The following INSL6 variants were observed in gnomAD, a reference collection of about 807,000 sequenced individuals.
INSL6 encodes insulin like 6, also known as insulin-like peptide INSL6.
Under a neutral mutation model 9.4 loss-of-function variants are expected in INSL6, and 16 were observed. The observed-to-expected ratio is 1.70, with a 90% CI of 1.15 to 2.59. The LOEUF (loss-of-function observed/expected upper bound fraction) is 2.59, where lower values mean the gene tolerates loss of function less well. Ranked by LOEUF, INSL6 falls within the 30% of genes most tolerant of loss-of-function variation. The probability of loss-of-function intolerance (pLI) is 0.00; values close to 1 mark genes in which losing one functional copy is unlikely to be tolerated. For missense variants in INSL6, 391 were observed against 257.3 expected, an observed-to-expected ratio of 1.52 and a Z score of -3.56; for synonymous variants, 154 against 96.9, an observed-to-expected ratio of 1.59 and a Z score of -3.46.
At chr9:5,113,665 G>T in the INSL6 span, 1 of 164,854 alleles carries the variant, frequency 6.1e-6, no homozygotes, top group South Asian at 1.7e-4. Flanking sequence ...TGAAGTCAGT[G>T]ACTGTGACCT....
At chr9:5,023,254 T>TA in the INSL6 span, among the ~76,000 whole-genome samples, 1 of 152,242 alleles carries the variant, frequency 6.6e-6, no homozygotes, top group Non-Finnish European at 1.5e-5. Context: ...GAGAACTTGT[T>TA]ATATTTGTCT....
At chr9:5,054,548 C>G in the INSL6 span, 39 of 1,537,292 alleles carry the variant, frequency 2.5e-5, no homozygotes, top group Non-Finnish European at 3.4e-5. The surrounding 1 kb of genome is among the most constrained non-coding windows in gnomAD (Gnocchi z 4.9). Context: ...TCTGTATGTG[C>G]TTTTTTATCC....
At chr9:5,141,437 G>A (rs548475334) in intron 2 of INSL6, among the ~76,000 whole-genome samples, 19 of 152,044 alleles carry the variant, frequency 1.2e-4, no homozygotes, top group Admixed American at 3.3e-4. Flanking sequence ...TATGATTTAC[G>A]TTTCTCTAAT....
At chr9:5,107,503 C>A in the INSL6 span, among the ~76,000 whole-genome samples, 1 of 152,086 alleles carries the variant, frequency 6.6e-6, no homozygotes, top group Admixed American at 6.5e-5. Context: ...AGCCCTTATA[C>A]TAGTTATCAT....
chr9:5,098,941 A>T, the INSL6 span: 6 of 152,028 alleles, frequency 3.9e-5, no homozygotes, highest in African/African-American at 1.5e-4. Flanking sequence ...TGTTCCACCC[A>T]CTTCAGCCTC....
chr9:5,176,606 C>T (rs1040304460), intron 1 of INSL6, among the ~76,000 whole-genome samples: 14 of 151,892 alleles, frequency 9.2e-5, no homozygotes, highest in African/African-American at 3.4e-4. Context: ...AATCTCTTAG[C>T]AAGCTTCCTT....
chr9:5,029,970 A>T, the INSL6 span: 1 of 1,433,944 alleles, frequency 7.0e-7, no homozygotes, highest in Non-Finnish European at 9.5e-7. Context: ...ATTATCAAAT[A>T]TTTTTTAATT....
At chr9:4,998,959 C>A in the INSL6 span, among the ~76,000 whole-genome samples, 1 of 150,908 alleles carries the variant, frequency 6.6e-6, no homozygotes, top group South Asian at 2.1e-4. Flanking sequence ...GTAGCTGGGA[C>A]TACAGGTGCC....
At chr9:5,086,122 G>A in the INSL6 span, 1 of 431,808 alleles carries the variant, frequency 2.3e-6, no homozygotes, top group South Asian at 2.7e-5. Context: ...ATCGGCAGCG[G>A]CGCGCGGCCC....
the INSL6 span, among the ~76,000 whole-genome samples, chr9:5,076,667 C>T: frequency 3.9e-5 from 6 of 152,100 alleles, no homozygotes; most frequent in South Asian, 2.1e-4. Flanking sequence ...GTAATATCTT[C>T]GAGGTATGCC....
At chr9:5,101,155 G>A in the INSL6 span, 1 of 152,276 alleles carries the variant, frequency 6.6e-6, no homozygotes, top group African/African-American at 2.4e-5. Flanking sequence ...GACTGTACCT[G>A]GAAAATCAGG....
At chr9:5,132,417 G>A (rs1824308850) in intron 3 of INSL6, among the ~76,000 whole-genome samples, 1 of 151,824 alleles carries the variant, frequency 6.6e-6, no homozygotes, top group South Asian at 2.1e-4. Flanking sequence ...AATGTGGAAG[G>A]TGAGAGTATG....
At chr9:5,085,321 A>T in the INSL6 span, 48 of 774,088 alleles carry the variant, frequency 6.2e-5, no homozygotes, top group Admixed American at 8.2e-4. Context: ...TACATCATCT[A>T]TTAGCTGAAA....
At chr9:5,034,827 C>T in the INSL6 span, among the ~76,000 whole-genome samples, 1 of 152,102 alleles carries the variant, frequency 6.6e-6, no homozygotes, top group African/African-American at 2.4e-5. Context: ...ATTAAAAGAA[C>T]TAGAAAACCA....
At chr9:5,078,331 A>G in the INSL6 span, 4 of 1,612,396 alleles carry the variant, frequency 2.5e-6, no homozygotes, top group Non-Finnish European at 3.4e-6. Context: ...ATTCATGGGA[A>G]TGTATGTGCC....
the INSL6 span, chr9:5,114,115 G>A: frequency 5.6e-6 from 2 of 354,484 alleles, no homozygotes; most frequent in South Asian, 2.8e-5. Flanking sequence ...ACCTACACCT[G>A]CCAGGTCACC....
chr9:5,184,774 T>G (rs1825531823), intron 1 of INSL6, among the ~76,000 whole-genome samples: 1 of 152,240 alleles, frequency 6.6e-6, no homozygotes, highest in Admixed American at 6.5e-5. Flanking sequence ...TCCTGGTACG[T>G]GACCAGGGGA....
Position 5,154,143 on chromosome 9 carries a change from G to C in INSL6, c.376+10036C>G, listed in dbSNP as rs993245053. ...AACAGAGATACAGACCAATGGAACAGAACAGAAGCCTCAGAAATAATACCA... is the reference window on the plus strand; with the variant it reads ...AACAGAGATACAGACCAATGGAACACAACAGAAGCCTCAGAAATAATACCA... On this transcript the variant is annotated intron_variant, in intron 2 of 3. Coordinates refer to the INSL6 transcript ENST00000649639. Among the ~76,000 whole-genome samples, 21 of 152,304 alleles carry C rather than the reference G, an allele frequency of 1.4e-4. No homozygotes were observed. In the East Asian group the frequency reaches 4.0e-3, roughly 29 times the overall value.
At chr9:5,077,618 T>G in the INSL6 span, 5 of 1,320,954 alleles carry the variant, frequency 3.8e-6, no homozygotes, top group African/African-American at 7.8e-5. Flanking sequence ...GATACTATTT[T>G]ATTTTATAAA....
Sources: gnomAD v4.1 joint callset for allele counts (sites outside exome capture counted in the v4.1 genomes callset) on GRCh38, gnomAD v4.1.1 for gene constraint, Gnocchi (gnomAD v3.1) non-coding constraint, MANE v1.5 for transcripts, NCBI Gene and HGNC (gene_info 2026-07-23, HGNC 2026-07-21) for gene names.